CHCHD3: variants seen among roughly 807,000 people sequenced by gnomAD.
CHCHD3 encodes coiled-coil-helix-coiled-coil-helix domain containing 3, also known as MICOS complex subunit MIC19.
A neutral mutation model predicts 38.2 loss-of-function variants in CHCHD3; 20 were observed. The observed-to-expected ratio is 0.52, with a 90% CI of 0.37 to 0.76. CHCHD3 has a LOEUF of 0.76. Ranked by LOEUF, CHCHD3 falls within the 30% of genes least tolerant of loss-of-function variation. The probability of loss-of-function intolerance (pLI) is 0.00; values close to 1 mark genes in which losing one functional copy is unlikely to be tolerated. For missense variants in CHCHD3, 245 were observed against 279.2 expected, an observed-to-expected ratio of 0.88 and a Z score of 0.87; for synonymous variants, 82 against 100.0, an observed-to-expected ratio of 0.82 and a Z score of 1.07.
intron 4 of CHCHD3, among the ~76,000 whole-genome samples, chr7:132,943,327 T>C (rs1381994464): frequency 3.9e-5 from 6 of 152,116 alleles, no homozygotes; most frequent in African/African-American, 1.2e-4. Flanking sequence ...CAAATATTTT[T>C]TGAGTGTAAA....
intron 2 of CHCHD3, among the ~76,000 whole-genome samples, chr7:133,033,707 C>T (rs1231830738): frequency 6.6e-6 from 1 of 152,144 alleles, no homozygotes; most frequent in Non-Finnish European, 1.5e-5. Context: ...ATGATCTCTG[C>T]CTTAAGGTGC....
intron 2 of CHCHD3, among the ~76,000 whole-genome samples, chr7:133,043,882 C>T (rs1028364434): frequency 6.6e-6 from 1 of 152,154 alleles, no homozygotes; most frequent in African/African-American, 2.4e-5. Context: ...ATATGAGACA[C>T]ACCCCAATGT....
intron 4 of CHCHD3, among the ~76,000 whole-genome samples, chr7:132,916,425 G>T (rs1357571067): frequency 6.6e-6 from 1 of 152,144 alleles, no homozygotes; most frequent in African/African-American, 2.4e-5. Flanking sequence ...GAAAATTACA[G>T]TAGTTCCCCC....
chr7:132,837,454 A>C (rs1807814786), intron 6 of CHCHD3, among the ~76,000 whole-genome samples: 1 of 152,202 alleles, frequency 6.6e-6, no homozygotes, highest in Non-Finnish European at 1.5e-5. Context: ...ATAGTTCACT[A>C]CAGAAGGCTG....
intron 5 of CHCHD3, among the ~76,000 whole-genome samples, chr7:132,857,089 C>A (rs952575360): frequency 6.6e-6 from 1 of 152,178 alleles, no homozygotes; most frequent in Non-Finnish European, 1.5e-5. Flanking sequence ...ATCTGGTGAA[C>A]TAATATTCCA....
intron 3 of CHCHD3, among the ~76,000 whole-genome samples, chr7:133,018,714 A>G (rs1813092706): frequency 6.6e-6 from 1 of 152,122 alleles, no homozygotes; most frequent in East Asian, 1.9e-4. Context: ...TTTTTATTTT[A>G]ATATAATGTA....
chr7:132,888,817 G>A (rs536270160), intron 4 of CHCHD3, among the ~76,000 whole-genome samples: 12 of 151,916 alleles, frequency 7.9e-5, no homozygotes, highest in South Asian at 2.1e-4. Context: ...AAAAAAACAC[G>A]TCATAAAATA....
chr7:132,883,072 G>A (rs1809108983), intron 5 of CHCHD3, among the ~76,000 whole-genome samples: 2 of 152,142 alleles, frequency 1.3e-5, no homozygotes, highest in South Asian at 2.1e-4. Flanking sequence ...AAAGGTGCCT[G>A]CTTCCCTTTC....
chr7:133,016,050 C>T (rs1285403689), intron 3 of CHCHD3, among the ~76,000 whole-genome samples: 1 of 152,132 alleles, frequency 6.6e-6, no homozygotes, highest in Non-Finnish European at 1.5e-5. Context: ...AGAAACCACA[C>T]CCATGATCCA....
chr7:132,912,544 A>G (rs1809977174), intron 4 of CHCHD3, among the ~76,000 whole-genome samples: 2 of 152,052 alleles, frequency 1.3e-5, no homozygotes, highest in South Asian at 4.2e-4. Context: ...CAGTTTCCTC[A>G]TCTATAAGAC....
chr7:132,983,956 C>T (rs571896670), intron 3 of CHCHD3, among the ~76,000 whole-genome samples: 34 of 149,450 alleles, frequency 2.3e-4, no homozygotes, highest in Admixed American at 1.9e-3. Context: ...TACAACTTCT[C>T]GGAAAGGCTC....
At chr7:132,874,049 G>A (rs995036587) in intron 5 of CHCHD3, among the ~76,000 whole-genome samples, 4 of 152,132 alleles carry the variant, frequency 2.6e-5, no homozygotes, top group African/African-American at 9.7e-5. Context: ...AGGCTACGTG[G>A]ACATTTTTGA....
intron 4 of CHCHD3, among the ~76,000 whole-genome samples, chr7:132,949,846 A>G (rs1215715032): frequency 6.6e-6 from 1 of 152,192 alleles, no homozygotes; most frequent in East Asian, 1.9e-4. Flanking sequence ...GTAAGGCTAC[A>G]AAGATCATTG....
intron 4 of CHCHD3, among the ~76,000 whole-genome samples, chr7:132,957,792 T>A (rs1811220387): frequency 6.6e-6 from 1 of 152,166 alleles, no homozygotes; most frequent in Non-Finnish European, 1.5e-5. Context: ...CAATTTTCTT[T>A]CTTCAATAAA....
At position 132,827,896 on chromosome 7, in the gene CHCHD3, T is replaced by C. The variant is rs186314618; in HGVS notation, c.524+10503A>G. On this transcript the variant is annotated intron_variant, in intron 6 of 7. Coordinates refer to ENST00000262570, the MANE Select transcript of CHCHD3 (RefSeq NM_017812.4). ...TGAATAGTGTTCTACTGTATGAATA[T>C]AAAGTAGAAAACTGCGCTTTTTATC... is the stretch of plus-strand genomic sequence containing the variant. 3.9e-5 allele frequency among the ~76,000 whole-genome samples: 6 copies of C among 152,324 alleles called. No homozygotes were observed. In the East Asian group the frequency reaches 9.7e-4, roughly 25 times the overall value.
intron 5 of CHCHD3, among the ~76,000 whole-genome samples, chr7:132,856,260 T>C (rs933518318): frequency 7.9e-5 from 12 of 152,186 alleles, no homozygotes; most frequent in African/African-American, 1.9e-4. Flanking sequence ...ACAAAGCATA[T>C]GCGTTCTGTT....
At chr7:132,998,444 AG>A (rs1289826907) in intron 3 of CHCHD3, among the ~76,000 whole-genome samples, 1 of 152,204 alleles carries the variant, frequency 6.6e-6, no homozygotes, top group Admixed American at 6.5e-5. Flanking sequence ...CTGGGGTCTC[AG>A]GTGTGAAATT....
At chr7:132,881,347 G>A (rs1809051087) in intron 5 of CHCHD3, among the ~76,000 whole-genome samples, 1 of 152,158 alleles carries the variant, frequency 6.6e-6, no homozygotes, top group Non-Finnish European at 1.5e-5. Flanking sequence ...AAATCAAGCT[G>A]TATTACAGAA....
At chr7:132,895,075 A>T (rs1336864894) in intron 4 of CHCHD3, among the ~76,000 whole-genome samples, 4 of 152,218 alleles carry the variant, frequency 2.6e-5, no homozygotes, top group Non-Finnish European at 4.4e-5. Context: ...AATGTTAGAT[A>T]TGAGTTCTTA....
Sources: gnomAD v4.1 joint callset for allele counts (sites outside exome capture counted in the v4.1 genomes callset) on GRCh38, gnomAD v4.1.1 for gene constraint, MANE v1.5 for transcripts, NCBI Gene and HGNC (gene_info 2026-07-23, HGNC 2026-07-21) for gene names.